Variants in LRP1B observed in about 807,000 individuals in gnomAD.
The protein encoded by LRP1B is low-density lipoprotein receptor-related protein 1B.
LRP1B carries 217 observed loss-of-function variants against 556.6 expected under a neutral mutation model. The observed-to-expected ratio is 0.39, with a 90% CI of 0.35 to 0.44. The LOEUF is 0.44. LRP1B is among the 20% of genes least tolerant of loss of function. LRP1B has a pLI of 1.00. For synonymous variants in LRP1B, 2,047 were observed against 1,865.8 expected, an observed-to-expected ratio of 1.10 and a Z score of -2.50; for missense variants, 5,053 against 5,620.8, an observed-to-expected ratio of 0.90 and a Z score of 3.23.
chr2:141,943,471 G>A (rs998476939), intron 1 of LRP1B, among the ~76,000 whole-genome samples: 2 of 152,080 alleles, frequency 1.3e-5, no homozygotes, highest in African/African-American at 4.8e-5. Flanking sequence ...GCTTTCTGAA[G>A]TACTATTCTT....
At chr2:141,956,843 C>T (rs1285340922) in intron 1 of LRP1B, among the ~76,000 whole-genome samples, 1 of 151,908 alleles carries the variant, frequency 6.6e-6, no homozygotes, top group Non-Finnish European at 1.5e-5. Flanking sequence ...CAGTTCTCAG[C>T]ATAAAAAAAT....
intron 67 of LRP1B, among the ~76,000 whole-genome samples, chr2:140,381,158 T>C (rs1683465553): frequency 6.6e-6 from 1 of 152,118 alleles, no homozygotes; most frequent in Non-Finnish European, 1.5e-5. Flanking sequence ...TTCAGGAAAA[T>C]GTAATTTAGT....
At chr2:141,649,936 T>C (rs1025906936) in intron 2 of LRP1B, among the ~76,000 whole-genome samples, 4 of 152,182 alleles carry the variant, frequency 2.6e-5, no homozygotes, top group African/African-American at 7.2e-5. Flanking sequence ...TTCCAGCTTT[T>C]TGGGAGGCCG....
chr2:140,266,748 G>A (rs896772623), intron 86 of LRP1B, among the ~76,000 whole-genome samples: 10 of 151,918 alleles, frequency 6.6e-5, no homozygotes, highest in South Asian at 2.1e-4. Context: ...GTCTCTTCAC[G>A]TATAAAGCCT....
At chr2:140,521,787 A>G (rs1488449690) in intron 49 of LRP1B, among the ~76,000 whole-genome samples, 1 of 152,110 alleles carries the variant, frequency 6.6e-6, no homozygotes, top group Non-Finnish European at 1.5e-5. Flanking sequence ...TCTATCTGAC[A>G]TAATGACACC....
intron 2 of LRP1B, among the ~76,000 whole-genome samples, chr2:141,496,669 T>C (rs1420297188): frequency 6.6e-6 from 1 of 152,020 alleles, no homozygotes; most frequent in Non-Finnish European, 1.5e-5. Context: ...TATGAATGAG[T>C]CTGTCTTTGG....
rs70988414 is a variant in LRP1B, at chr2:140,640,383, C to CTTTTTTTTTTTTTTTTTT, written c.6800-38762_6800-38745dup. Among the ~76,000 whole-genome samples, 3 of 48,498 alleles carry CTTTTTTTTTTTTTTTTTT rather than the reference C, an allele frequency of 6.2e-5. 1 individual carries two copies. The highest frequency in any genetic ancestry group is 8.5e-5 in the African/African-American group (1 of 11,738). The allele number at this position is 48,498 out of a possible 152,430, so 31.8% of individuals were successfully genotyped here. A position where few individuals can be genotyped will look rare whatever the true frequency, so the allele number is the denominator to read the frequency against. On this transcript the variant is annotated intron_variant, in intron 41 of 90. Coordinates refer to ENST00000389484, the MANE Select transcript of LRP1B (RefSeq NM_018557.3). The stretch of plus-strand genomic sequence containing the variant: ...ATCCACTATTCCCTTGTCCTGTTTT[C>CTTTTTTTTTTTTTTTTTT]TTTTTTTTTTTTTTTTTTTTTTTTT...
At chr2:141,601,170 A>G (rs765218043) in intron 2 of LRP1B, among the ~76,000 whole-genome samples, 3 of 151,592 alleles carry the variant, frequency 2.0e-5, no homozygotes, top group Non-Finnish European at 4.4e-5. Context: ...TTTAAAATAG[A>G]TCCTAAACAT....
intron 7 of LRP1B, among the ~76,000 whole-genome samples, chr2:141,157,549 TA>T (rs1431363511): frequency 6.6e-6 from 1 of 151,950 alleles, no homozygotes; most frequent in Admixed American, 6.6e-5. Context: ...TCGTACAATA[TA>T]AAAAATTTAA....
chr2:140,748,785 A>ATG lies in LRP1B; in HGVS notation c.5758+20427_5758+20428insCA, dbSNP rs1559094641. On this transcript the variant is annotated intron_variant, in intron 35 of 90. Transcript: ENST00000389484. ...TATACATGTATATAATATGTATATA[A>ATG]TATATATTATATACATATTATATAC... Among the ~76,000 whole-genome samples the ATG allele has an allele frequency of 2.5e-3, 107 of 42,596 alleles. 2 individuals carry two copies. The highest frequency in any genetic ancestry group is 7.2e-3 in the African/African-American group (105 of 14,540). 27.9% of individuals were successfully genotyped at this position (42,596 alleles called of 152,430 possible).
chr2:141,229,855 C>T (rs186078700), intron 5 of LRP1B, among the ~76,000 whole-genome samples: 300 of 152,162 alleles, frequency 2.0e-3, no homozygotes, highest in Non-Finnish European at 3.6e-3. Flanking sequence ...ATAGATTCTC[C>T]GGAGCAGAAA....
intron 18 of LRP1B, among the ~76,000 whole-genome samples, chr2:140,961,043 T>A (rs1002973060): frequency 2.6e-5 from 4 of 151,908 alleles, no homozygotes; most frequent in Non-Finnish European, 5.9e-5. Flanking sequence ...AACACTGTAT[T>A]TGGTGGTTTT....
intron 2 of LRP1B, among the ~76,000 whole-genome samples, chr2:141,626,619 G>A (rs1037433825): frequency 2.0e-5 from 3 of 152,082 alleles, no homozygotes; most frequent in Non-Finnish European, 2.9e-5. Context: ...GTAAGAAAAT[G>A]AACAACCTGA....
chr2:141,322,753 T>C (rs958387921), intron 3 of LRP1B, among the ~76,000 whole-genome samples: 7 of 152,090 alleles, frequency 4.6e-5, no homozygotes, highest in Non-Finnish European at 8.8e-5. Flanking sequence ...TTCCCCTTCT[T>C]ATGTCTTTAT....
At chr2:141,758,238 T>C (rs1411851045) in intron 2 of LRP1B, among the ~76,000 whole-genome samples, 1 of 152,210 alleles carries the variant, frequency 6.6e-6, no homozygotes, top group East Asian at 1.9e-4. Flanking sequence ...TGCTTTATTG[T>C]ATTTTTTCAG....
intron 3 of LRP1B, among the ~76,000 whole-genome samples, chr2:141,280,069 A>G (rs968341330): frequency 1.3e-5 from 2 of 152,122 alleles, no homozygotes; most frequent in Non-Finnish European, 2.9e-5. Context: ...AAGGAAAACC[A>G]TAATTATGGT....
At chr2:140,467,642 A>T (rs918315362) in intron 60 of LRP1B, among the ~76,000 whole-genome samples, 5 of 150,510 alleles carry the variant, frequency 3.3e-5, no homozygotes, top group African/African-American at 1.2e-4. Context: ...AAGTCTTAAA[A>T]GGTGGAGGTG....
At chr2:141,692,791 T>A (rs763510217) in intron 2 of LRP1B, among the ~76,000 whole-genome samples, 3 of 152,012 alleles carry the variant, frequency 2.0e-5, no homozygotes, top group Non-Finnish European at 2.9e-5. Flanking sequence ...AACCTGTACA[T>A]TATGTTACTG....
chr2:141,202,777 C>T (rs1682094476), intron 6 of LRP1B, among the ~76,000 whole-genome samples: 1 of 151,824 alleles, frequency 6.6e-6, no homozygotes, highest in African/African-American at 2.4e-5. Flanking sequence ...TTCTGGGGTA[C>T]ATATGCAGAA....
Sources: allele counts gnomAD v4.1 joint callset (sites outside exome capture counted in the v4.1 genomes callset), GRCh38; gene constraint gnomAD v4.1.1; transcripts MANE v1.5; gene names NCBI Gene and HGNC (gene_info 2026-07-23, HGNC 2026-07-21).